Variants in ATP2B2 observed in about 807,000 individuals in gnomAD.
ATP2B2 encodes ATPase plasma membrane Ca2+ transporting 2.
Under a neutral mutation model 120.0 loss-of-function variants are expected in ATP2B2, and 15 were observed. The observed-to-expected ratio is 0.12, with a 90% confidence interval of 0.08 to 0.19. The LOEUF is 0.19. ATP2B2 is among the 10% of genes least tolerant of loss of function. ATP2B2 has a pLI of 1.00. For synonymous variants in ATP2B2, 694 were observed against 700.3 expected (o/e 0.99, Z 0.14); for missense variants, 1,045 against 1,719.8 (o/e 0.61, Z 6.94).
intron 3 of ATP2B2, 22 bp downstream of exon 3, chr3:10,410,596 G>C: frequency 6.3e-7 from 1 of 1,584,444 alleles, no homozygotes; most frequent in East Asian, 2.2e-5. Context: ...GGGGCGGTTC[G>C]TGGGTCTGAG....
chr3:10,584,411 G>A (rs928863239), intron 2 of ATP2B2, among the ~76,000 whole-genome samples: 5 of 152,130 alleles, frequency 3.3e-5, no homozygotes, highest in African/African-American at 9.7e-5. Flanking sequence ...GCCTGACCCA[G>A]CCCACAAGTG....
intron 1 of ATP2B2, among the ~76,000 whole-genome samples, chr3:10,705,245 G>T (rs1394030380): frequency 1.3e-5 from 2 of 152,162 alleles, no homozygotes; most frequent in African/African-American, 4.8e-5. Flanking sequence ...ATAGCACCAG[G>T]CTTAGACTTA....
intron 1 of ATP2B2, among the ~76,000 whole-genome samples, chr3:10,681,289 C>T (rs1357935777): frequency 1.3e-5 from 2 of 152,232 alleles, no homozygotes; most frequent in African/African-American, 2.4e-5. Context: ...CCAGCAGCTC[C>T]ACGCTTGGGG....
chr3:10,483,810 C>T (rs2065511800), intron 1 of ATP2B2, among the ~76,000 whole-genome samples: 1 of 152,238 alleles, frequency 6.6e-6, no homozygotes, highest in Non-Finnish European at 1.5e-5. Context: ...GTGGGACTGG[C>T]CCTCTCCAGT....
intron 2 of ATP2B2, among the ~76,000 whole-genome samples, chr3:10,555,688 C>G (rs557588000): frequency 1.0e-3 from 153 of 152,320 alleles, no homozygotes; most frequent in African/African-American, 2.9e-3. Context: ...AGCAGCACCT[C>G]CATTGTGGGG....
chr3:10,341,160 C>T (rs550435053), intron 19 of ATP2B2, among the ~76,000 whole-genome samples: 61 of 152,072 alleles, frequency 4.0e-4, no homozygotes, highest in Admixed American at 9.2e-4. Flanking sequence ...CTAGAGATGC[C>T]AATTCCTATA....
At chr3:10,483,503 T>C (rs34891) in intron 1 of ATP2B2, among the ~76,000 whole-genome samples, 1 of 151,962 alleles carries the variant, frequency 6.6e-6, no homozygotes, top group Non-Finnish European at 1.5e-5. Flanking sequence ...TGGCCCTGAG[T>C]GGCTGGAATC....
rs936560567 is a variant in ATP2B2 at position 10,372,258 on chromosome 3, G to C, written c.1417-207C>G. Among the ~76,000 whole-genome samples the C allele has an allele frequency of 4.6e-5, 7 of 152,254 alleles. 1 individual carries two copies. In the East Asian group the frequency reaches 1.4e-3, roughly 29 times the overall value. The stretch of plus-strand genomic sequence containing the variant: ...CTGCGCGTGGCCCTTTCCTTTCTCT[G>C]TTAGTATCTGAACCATTTAAAGGAC... On this transcript the variant is annotated intron_variant, in intron 11 of 22. Coordinates refer to ENST00000360273, the MANE Select transcript of ATP2B2 (RefSeq NM_001001331.4).
At chr3:10,596,538 C>G (rs1473047090) in intron 2 of ATP2B2, among the ~76,000 whole-genome samples, 1 of 152,128 alleles carries the variant, frequency 6.6e-6, no homozygotes, top group African/African-American at 2.4e-5. Context: ...AGTAGCATGC[C>G]CCATATAACA....
Position 10,342,973 on chromosome 3 carries a change from C to A in ATP2B2, c.2704-8G>T. The A allele has an allele frequency of 6.2e-7, 1 of 1,613,386 alleles. No homozygotes were observed. ...GGCCTTCAGAGGGGAGTCCTGGGGA[C>A]GGGCAGGAGAGGGCTGTCACCTGTG... On this transcript the variant is annotated splice_polypyrimidine_tract_variant and splice_region_variant and intron_variant, in intron 18 of 22. Coordinates refer to ENST00000360273, the MANE Select transcript of ATP2B2 (RefSeq NM_001001331.4). The surrounding 1 kb of genome is among the most constrained non-coding windows in gnomAD (Gnocchi z 4.4).
At chr3:10,627,231 G>T (rs1231396253) in intron 1 of ATP2B2, among the ~76,000 whole-genome samples, 1 of 152,236 alleles carries the variant, frequency 6.6e-6, no homozygotes, top group Non-Finnish European at 1.5e-5. Context: ...TTCCTGCAAG[G>T]AGATGTGCCA....
chr3:10,614,939 G>A (rs1243933826), intron 2 of ATP2B2, among the ~76,000 whole-genome samples: 1 of 152,224 alleles, frequency 6.6e-6, no homozygotes, highest in Non-Finnish European at 1.5e-5. Flanking sequence ...AAACCAAGTT[G>A]TCATATGTCA....
At chr3:10,599,256 G>A (rs937946201) in intron 2 of ATP2B2, among the ~76,000 whole-genome samples, 2 of 152,134 alleles carry the variant, frequency 1.3e-5, no homozygotes, top group African/African-American at 4.8e-5. Flanking sequence ...ACAGGTCTCC[G>A]CCTACCCCAC....
intron 5 of ATP2B2, among the ~76,000 whole-genome samples, chr3:10,393,197 C>T (rs1015695852): frequency 4.6e-5 from 7 of 152,258 alleles, no homozygotes; most frequent in East Asian, 3.9e-4. Context: ...CATGGCGGGC[C>T]GGAAGGGACA....
At chr3:10,413,912 G>A (rs991391666) in intron 2 of ATP2B2, among the ~76,000 whole-genome samples, 1 of 152,200 alleles carries the variant, frequency 6.6e-6, no homozygotes, top group African/African-American at 2.4e-5. Flanking sequence ...GGGCCTCTGA[G>A]GGAGGGGCTA....
chr3:10,544,661 T>C (rs529651755), intron 2 of ATP2B2, among the ~76,000 whole-genome samples: 12 of 152,262 alleles, frequency 7.9e-5, no homozygotes, highest in African/African-American at 2.9e-4. Flanking sequence ...TGCTTCTGCC[T>C]CTTTGAAGGG....
At chr3:10,508,411 C>A (rs2066691168), upstream of ATP2B2, among the ~76,000 whole-genome samples, 2 of 152,190 alleles carry the variant, frequency 1.3e-5, no homozygotes, top group South Asian at 2.1e-4. Flanking sequence ...CGTCTGTCTC[C>A]CTCACTGGGC....
intron 2 of ATP2B2, among the ~76,000 whole-genome samples, chr3:10,414,483 C>T (rs541499066): frequency 3.9e-5 from 6 of 152,294 alleles, no homozygotes; most frequent in East Asian, 3.9e-4. Flanking sequence ...GTGGTAGAAA[C>T]TGGAGCAAAC....
chr3:10,702,220 T>A (rs2071829731), intron 1 of ATP2B2, among the ~76,000 whole-genome samples: 1 of 152,196 alleles, frequency 6.6e-6, no homozygotes, highest in Non-Finnish European at 1.5e-5. Flanking sequence ...GAAGTGGTAT[T>A]TAGCCACATC....
Sources: allele counts gnomAD v4.1 joint callset (sites outside exome capture counted in the v4.1 genomes callset), GRCh38; gene constraint gnomAD v4.1.1; non-coding constraint Gnocchi (gnomAD v3.1); transcripts MANE v1.5; gene names NCBI Gene and HGNC (gene_info 2026-07-23, HGNC 2026-07-21).